Variants in ELP1 observed in about 807,000 individuals in gnomAD.
ELP1 encodes the protein elongator complex protein 1.
A neutral mutation model predicts 183.2 loss-of-function variants in ELP1; 131 were observed. The ratio of observed to expected loss-of-function variants is 0.72; its 90% CI spans 0.62 to 0.83. The LOEUF is 0.83. ELP1 is among the 40% of genes least tolerant of loss of function. ELP1 has a pLI of 0.00. For missense variants in ELP1, 1,550 were observed against 1,594.9 expected, an observed-to-expected ratio of 0.97 and a Z score of 0.48; for synonymous variants, 555 against 569.0, an observed-to-expected ratio of 0.98 and a Z score of 0.35.
At chr9:108,919,668 C>A (rs1268079694) in intron 6 of ELP1, among the ~76,000 whole-genome samples, 1 of 151,494 alleles carries the variant, frequency 6.6e-6, no homozygotes, top group Admixed American at 6.6e-5. Flanking sequence ...CAGGTAACTA[C>A]AACAAGGAAA....
At chr9:108,921,102 A>T (rs898781846) in intron 6 of ELP1, among the ~76,000 whole-genome samples, 1 of 152,180 alleles carries the variant, frequency 6.6e-6, no homozygotes, top group African/African-American at 2.4e-5. Flanking sequence ...ACACAATTCA[A>T]TGCACCTTGG....
rs1828313461 is a variant in ELP1 at position 108,891,112 on chromosome 9, C to A, written c.3160+91G>T. ...GAGAACAAGACTGTCTCAGAGTATT[C>A]TGCCCTAAATTTATTTGCAAAATTA... On this transcript the variant is annotated intron_variant, in intron 28 of 36. Transcript: ENST00000374647. 18 of 1,207,114 alleles carry A rather than the reference C, an allele frequency of 1.5e-5. No homozygotes were observed. The South Asian group carries it at 2.2e-4, about 15-fold the overall frequency. 74.8% of individuals were successfully genotyped at this position (1,207,114 alleles called of 1,614,324 possible).
chr9:108,928,423 A>G (rs1381660332), intron 3 of ELP1, among the ~76,000 whole-genome samples: 1 of 152,218 alleles, frequency 6.6e-6, no homozygotes. Context: ...AAGTCCAGAA[A>G]AAGTTTTTCT....
intron 16 of ELP1, among the ~76,000 whole-genome samples, chr9:108,902,349 A>T (rs1169468135): frequency 6.6e-6 from 1 of 152,076 alleles, no homozygotes; most frequent in Non-Finnish European, 1.5e-5. Context: ...CTACCAGTAT[A>T]CTCTGTCCAT....
chr9:108,926,410 G>C, intron 5 of ELP1, 113 bp downstream of exon 5: 1 of 818,722 alleles, frequency 1.2e-6, no homozygotes, highest in Non-Finnish European at 2.0e-6. Flanking sequence ...TAATAGCTGG[G>C]GGTTTAACTT....
At position 108,930,431 on chromosome 9, in the gene ELP1, T is replaced by C. The variant is rs542270623; in HGVS notation, c.151-510A>G. Among the ~76,000 whole-genome samples, 9 of 152,144 alleles carry C rather than the reference T, an allele frequency of 5.9e-5. No individual in the cohort carries two copies. The South Asian group carries it at 1.0e-3, about 18-fold the overall frequency. ...GGGCAACTTTCGTGTTCATTCCCAA[T>C]TAAAAACCACTCTTGGCCGGGCGCT... On this transcript the variant is annotated intron_variant, in intron 2 of 36. Coordinates refer to ENST00000374647, the MANE Select transcript of ELP1 (RefSeq NM_003640.5).
chr9:108,909,134 C>A (rs183796839), intron 12 of ELP1, among the ~76,000 whole-genome samples: 2 of 152,046 alleles, frequency 1.3e-5, no homozygotes, highest in African/African-American at 4.8e-5. Context: ...CACAGAGAGG[C>A]CTTTGGGATC....
rs1345834711 is a variant in ELP1, at chr9:108,896,621, C to A, written c.2611G>T (p.Ala871Ser). 6.2e-7 allele frequency: 1 copy of A among 1,614,050 alleles called. No individual in the cohort carries two copies. Among genetic ancestry groups the A allele is most frequent in the Non-Finnish European group, 8.5e-7 (1 of 1,179,884 alleles). Reference sequence around the variant, plus strand: ...TTCAAGGCCTCTTCAGCACTCACAGCATCAGGATCAGAGGGAGCATTTCCT... The same window carrying A: ...TTCAAGGCCTCTTCAGCACTCACAGAATCAGGATCAGAGGGAGCATTTCCT... ...LQGNAPSDPD[A>S]VSAEEALKYL... Residue 871 changes from alanine (A) to serine (S), a missense_variant, in exon 25 of 37, where the codon GCT becomes TCT. Coordinates refer to ENST00000374647, the MANE Select transcript of ELP1 (RefSeq NM_003640.5).
chr9:108,896,849 CAT>C, intron 24 of ELP1, 102 bp downstream of exon 24: 3 of 1,181,696 alleles, frequency 2.5e-6, no homozygotes, highest in Non-Finnish European at 3.8e-6. Flanking sequence ...TAAAAAGTCA[CAT>C]GTTAAATCTG....
At chr9:108,902,536 A>G (rs1203043476) in intron 16 of ELP1, among the ~76,000 whole-genome samples, 1 of 152,234 alleles carries the variant, frequency 6.6e-6, no homozygotes, top group Non-Finnish European at 1.5e-5. Context: ...TATTCTCAAG[A>G]TCACATTTCT....
rs376859522 is a variant in ELP1 at position 108,917,415 on chromosome 9, C to T, written c.864+132G>A. 73 of 842,794 alleles carry T rather than the reference C, an allele frequency of 8.7e-5. 1 individual carries two copies. In the East Asian group the frequency reaches 1.4e-3, roughly 16 times the overall value. 52.2% of individuals were successfully genotyped at this position (842,794 alleles called of 1,614,324 possible). A position where few individuals can be genotyped will look rare whatever the true frequency, so the allele number is the denominator to read the frequency against. ...CTAGGAGGCGGAGGTTGCAGTGAAC[C>T]GAGATTGCACTATCGCACTCCAACC... is the stretch of plus-strand genomic sequence containing the variant. On this transcript the variant is annotated intron_variant, in intron 9 of 36. Transcript: ENST00000374647.
chr9:108,881,838 C>T (rs1206457322), intron 30 of ELP1, 73 bp from the exon 31 acceptor site: 7 of 938,542 alleles, frequency 7.5e-6, no homozygotes, highest in African/African-American at 3.2e-5. Context: ...CTTAGAAAGA[C>T]ATGGATTACT....
At chr9:108,884,284 A>T (rs998075522) in intron 29 of ELP1, among the ~76,000 whole-genome samples, 2 of 152,196 alleles carry the variant, frequency 1.3e-5, no homozygotes, top group Admixed American at 1.3e-4. Flanking sequence ...CACTGGTAGA[A>T]TCAAAGGAGA....
chr9:108,909,583 G>T (rs753221927), intron 12 of ELP1, among the ~76,000 whole-genome samples: 2 of 152,076 alleles, frequency 1.3e-5, no homozygotes, highest in South Asian at 2.1e-4. Context: ...CTCCCCAGTG[G>T]GTTCTTTAAC....
intron 1 of ELP1, among the ~76,000 whole-genome samples, chr9:108,933,483 A>G (rs1320234398): frequency 6.6e-6 from 1 of 152,200 alleles, no homozygotes; most frequent in Non-Finnish European, 1.5e-5. Flanking sequence ...AGCACAGAGG[A>G]CACCACCTCC....
chr9:108,911,281 A>G (rs1442961732), intron 11 of ELP1, 101 bp from the exon 12 acceptor site: 1 of 1,127,416 alleles, frequency 8.9e-7, no homozygotes, highest in African/African-American at 1.5e-5. Flanking sequence ...ATGGCAATTC[A>G]CAAAAAAATA....
At chr9:108,930,077 T>C (rs966762888) in intron 2 of ELP1, among the ~76,000 whole-genome samples, 156 bp from the exon 3 acceptor site, 7 of 152,214 alleles carry the variant, frequency 4.6e-5, no homozygotes, top group African/African-American at 1.7e-4. Flanking sequence ...TTGAGAAATA[T>C]CACTACTCTG....
intron 22 of ELP1, 152 bp downstream of exon 22, chr9:108,898,350 G>C: frequency 1.6e-6 from 1 of 617,848 alleles, no homozygotes; most frequent in Non-Finnish European, 2.9e-6. Context: ...GAACGGAAAA[G>C]AGCAAAAAAC....
chr9:108,902,014 C>T (rs1238191591), intron 16 of ELP1, among the ~76,000 whole-genome samples: 1 of 152,168 alleles, frequency 6.6e-6, no homozygotes, highest in Non-Finnish European at 1.5e-5. Context: ...AATCACTGTC[C>T]AAACCATGAA....
Sources: allele counts gnomAD v4.1 joint callset (sites outside exome capture counted in the v4.1 genomes callset), GRCh38; gene constraint gnomAD v4.1.1; transcripts MANE v1.5; gene names NCBI Gene and HGNC (gene_info 2026-07-23, HGNC 2026-07-21).